The following MAST4 variants were observed in gnomAD, a reference collection of about 807,000 sequenced individuals.
The protein encoded by MAST4 is microtubule-associated serine/threonine-protein kinase 4.
MAST4 carries 89 observed loss-of-function variants against 162.7 expected under a neutral mutation model. That is an observed-to-expected ratio of 0.55 (90% CI 0.46 to 0.65). The LOEUF is 0.65. Among genes scored for constraint, MAST4 ranks in the 30% least tolerant of loss-of-function variants. The pLI, the probability that MAST4 is intolerant of heterozygous loss-of-function variation, is 0.00. For synonymous variants in MAST4, 1,479 were observed against 1,361.1 expected, an observed-to-expected ratio of 1.09 and a Z score of -1.91; for missense variants, 3,153 against 3,374.0, an observed-to-expected ratio of 0.93 and a Z score of 1.62.
intron 4 of MAST4, among the ~76,000 whole-genome samples, chr5:66,960,505 A>G (rs1231678060): frequency 1.3e-5 from 2 of 149,996 alleles, no homozygotes; most frequent in Non-Finnish European, 3.0e-5. Context: ...TTCAACTCTC[A>G]CCATCTGTGT....
chr5:66,727,975 G>GA (rs149761614), intron 1 of MAST4, among the ~76,000 whole-genome samples: 197 of 152,194 alleles, frequency 1.3e-3, no homozygotes, highest in African/African-American at 4.3e-3. Flanking sequence ...GGTTCATGTT[G>GA]AAAACCATTG....
intron 3 of MAST4, among the ~76,000 whole-genome samples, chr5:66,841,006 G>C (rs987927917): frequency 3.3e-5 from 5 of 152,172 alleles, no homozygotes; most frequent in Non-Finnish European, 5.9e-5. Context: ...CTGTTTGAAT[G>C]TTGGCCCACC....
chr5:67,022,767 A>C (rs1754141485), intron 4 of MAST4, among the ~76,000 whole-genome samples: 1 of 152,218 alleles, frequency 6.6e-6, no homozygotes, highest in African/African-American at 2.4e-5. Flanking sequence ...CTTTTAACAA[A>C]GTCTGAAACT....
rs1455790551 is a variant in MAST4 at position 66,633,993 on chromosome 5, T to C, written c.363+36975T>C. Among the ~76,000 whole-genome samples the C allele has an allele frequency of 2.6e-5, 4 of 152,206 alleles. No homozygotes were observed. In the East Asian group the frequency reaches 7.7e-4, roughly 29 times the overall value. On this transcript the variant is annotated intron_variant, in intron 1 of 28. Transcript: ENST00000403625. ...TCATTATGAGGACACAGGGGAGACC[T>C]TCCCCTGCTCTCAGTACTGAAAGGA...
chr5:66,888,527 G>A (rs899134610), intron 3 of MAST4, among the ~76,000 whole-genome samples: 2 of 152,192 alleles, frequency 1.3e-5, no homozygotes, highest in Admixed American at 6.5e-5. Context: ...ATCCAATTCT[G>A]TCTCCTGGTT....
intron 1 of MAST4, among the ~76,000 whole-genome samples, chr5:66,598,585 A>G (rs1742351624): frequency 6.6e-6 from 1 of 152,122 alleles, no homozygotes; most frequent in African/African-American, 2.4e-5. Flanking sequence ...CTCCCTTTCA[A>G]GGTGCGGGGC....
chr5:67,030,948 G>A (rs887492536), intron 4 of MAST4, among the ~76,000 whole-genome samples: 8 of 152,138 alleles, frequency 5.3e-5, no homozygotes, highest in African/African-American at 1.9e-4. Context: ...TGGTATTTCA[G>A]AAGTTGCTAG....
At chr5:66,646,784 T>A (rs1745869394) in intron 1 of MAST4, among the ~76,000 whole-genome samples, 1 of 152,098 alleles carries the variant, frequency 6.6e-6, no homozygotes, top group African/African-American at 2.4e-5. Context: ...GGCAAATAAC[T>A]CCAGAGTGCT....
At chr5:66,785,861 GTATTAT>G (rs144481111) in intron 2 of MAST4, among the ~76,000 whole-genome samples, 1 of 151,960 alleles carries the variant, frequency 6.6e-6, no homozygotes, top group Non-Finnish European at 1.5e-5. Context: ...ATTTTGTTTT[GTATTAT>G]TATTATTATT....
At chr5:66,919,528 G>T (rs868665686) in intron 4 of MAST4, among the ~76,000 whole-genome samples, 1 of 151,922 alleles carries the variant, frequency 6.6e-6, no homozygotes, top group Non-Finnish European at 1.5e-5. Context: ...AGGCATGGTG[G>T]CACACGCCTG....
rs112782692 is a variant in MAST4 at position 66,891,213 on chromosome 5, A to C, written c.643-8738A>C. On this transcript the variant is annotated intron_variant, in intron 3 of 28. Coordinates refer to ENST00000403625, the MANE Select transcript of MAST4 (RefSeq NM_001164664.2). Reference sequence around the variant, plus strand: ...TGCTTTTAGACAGTCTTTTCTCCTCATCTCTGAATGGTACCCTGTCCTGAG... The same window carrying C: ...TGCTTTTAGACAGTCTTTTCTCCTCCTCTCTGAATGGTACCCTGTCCTGAG... Among the ~76,000 whole-genome samples the C allele has an allele frequency of 7.5e-3, 1,145 of 152,090 alleles. 20 individuals carry two copies. Among genetic ancestry groups the C allele is most frequent in the African/African-American group, 0.026 (1,083 of 41,460 alleles).
At chr5:67,118,044 A>C (rs766305233) in intron 12 of MAST4, among the ~76,000 whole-genome samples, 1 of 152,342 alleles carries the variant, frequency 6.6e-6, no homozygotes, top group East Asian at 1.9e-4. Context: ...CATACAGTAC[A>C]AAAAACTCTA....
intron 1 of MAST4, among the ~76,000 whole-genome samples, chr5:66,610,966 G>A (rs1408299249): frequency 6.6e-6 from 1 of 152,218 alleles, no homozygotes; most frequent in Non-Finnish European, 1.5e-5. Context: ...TTTCTAACAG[G>A]AGATGCCAGT....
chr5:67,149,884 T>A (rs1048095649), intron 24 of MAST4, among the ~76,000 whole-genome samples: 1 of 152,218 alleles, frequency 6.6e-6, no homozygotes, highest in African/African-American at 2.4e-5. Flanking sequence ...TTTTCTTTTC[T>A]CCCTCCAAGT....
At chr5:67,134,860 A>C (rs548838036) in intron 18 of MAST4, among the ~76,000 whole-genome samples, 172 bp downstream of exon 18, 1 of 152,232 alleles carries the variant, frequency 6.6e-6, no homozygotes, top group South Asian at 2.1e-4. Context: ...ATCTCAAGAG[A>C]GCAATTTTTG....
At chr5:66,774,654 T>A (rs181927401) in intron 2 of MAST4, among the ~76,000 whole-genome samples, 247 of 152,340 alleles carry the variant, frequency 1.6e-3, no homozygotes, top group African/African-American at 5.5e-3. Context: ...TCTTGAGGAC[T>A]TTTTCCTTGT....
At chr5:66,811,578 A>G (rs1167976037) in intron 3 of MAST4, among the ~76,000 whole-genome samples, 1 of 152,132 alleles carries the variant, frequency 6.6e-6, no homozygotes, top group Non-Finnish European at 1.5e-5. Flanking sequence ...AGTATTTCTG[A>G]TGTCTTGATA....
intron 2 of MAST4, among the ~76,000 whole-genome samples, chr5:66,783,574 C>G (rs905699248): frequency 2.8e-4 from 42 of 152,316 alleles, no homozygotes; most frequent in African/African-American, 1.0e-3. Context: ...AGATCAGTTA[C>G]TGGATGTCAA....
At chr5:67,040,030 G>A (rs964184893) in intron 4 of MAST4, among the ~76,000 whole-genome samples, 1 of 151,632 alleles carries the variant, frequency 6.6e-6, no homozygotes, top group Non-Finnish European at 1.5e-5. Flanking sequence ...TGCAGTCAGT[G>A]TATCTTATTC....
Sources: gnomAD v4.1 joint callset for allele counts (sites outside exome capture counted in the v4.1 genomes callset) on GRCh38, gnomAD v4.1.1 for gene constraint, MANE v1.5 for transcripts, NCBI Gene and HGNC (gene_info 2026-07-23, HGNC 2026-07-21) for gene names.